Variants in SLIT3 observed in about 807,000 individuals in gnomAD.
SLIT3 encodes the protein slit homolog 3 protein.
In SLIT3, 68 loss-of-function variants were observed where a neutral mutation model predicts 184.0. The observed-to-expected ratio is 0.37, with a 90% CI of 0.30 to 0.45. The LOEUF is 0.45. Among genes scored for constraint, SLIT3 ranks in the 20% least tolerant of loss-of-function variants. The pLI, the probability that SLIT3 is intolerant of heterozygous loss-of-function variation, is 1.00. For missense variants in SLIT3, 1,707 were observed against 2,026.0 expected, an observed-to-expected ratio of 0.84 and a Z score of 3.02; for synonymous variants, 831 against 828.6, an observed-to-expected ratio of 1.00 and a Z score of -0.05.
intron 1 of SLIT3, among the ~76,000 whole-genome samples, chr5:169,268,162 G>A (rs1366802882): frequency 6.6e-6 from 1 of 152,140 alleles, no homozygotes. Context: ...TGCACATTTG[G>A]GAAGGATGAT....
At chr5:168,873,881 A>G (rs778497929) in intron 5 of SLIT3, among the ~76,000 whole-genome samples, 9 of 152,180 alleles carry the variant, frequency 5.9e-5, no homozygotes, top group Non-Finnish European at 1.0e-4. Flanking sequence ...AAGATAAAGA[A>G]TCAGAACATC....
At chr5:168,900,796 T>A (rs1184010560) in intron 4 of SLIT3, among the ~76,000 whole-genome samples, 2 of 152,142 alleles carry the variant, frequency 1.3e-5, no homozygotes, top group Non-Finnish European at 2.9e-5. Context: ...ACGAATGAAA[T>A]CATGTCTTTT....
intron 6 of SLIT3, among the ~76,000 whole-genome samples, chr5:168,838,855 G>T (rs1057463203): frequency 6.6e-6 from 1 of 152,098 alleles, no homozygotes; most frequent in African/African-American, 2.4e-5. Context: ...CTAAAAATCT[G>T]GTTAGTTCTG....
In SLIT3 at chr5:168,851,904, C is replaced by T. The variant is rs539420960; in HGVS notation, c.486-7249G>A. 4.6e-5 allele frequency among the ~76,000 whole-genome samples: 7 copies of T among 152,320 alleles called. No homozygotes were observed. In the East Asian group the frequency reaches 1.2e-3, roughly 25 times the overall value. On this transcript the variant is annotated intron_variant, in intron 5 of 35. Coordinates refer to ENST00000519560, the MANE Select transcript of SLIT3 (RefSeq NM_003062.4). ...TCTGTTGGCTCTAAAAGGCTCCTCACTGCAGCTTCTGTAAAATGGGCTGTC... is the reference window on the plus strand; with the variant it reads ...TCTGTTGGCTCTAAAAGGCTCCTCATTGCAGCTTCTGTAAAATGGGCTGTC...
At chr5:168,748,549 G>C in intron 19 of SLIT3, 115 bp from the exon 20 acceptor site, 3 of 1,065,398 alleles carry the variant, frequency 2.8e-6, no homozygotes, top group South Asian at 4.1e-5. Context: ...TCCCCGCTGT[G>C]TTCTAGAACC....
intron 3 of SLIT3, among the ~76,000 whole-genome samples, chr5:169,202,378 C>T (rs1215975655): frequency 6.6e-6 from 1 of 152,152 alleles, no homozygotes; most frequent in African/African-American, 2.4e-5. Context: ...TATCTCACTT[C>T]GTCCTTAAAG....
rs148488259 is a variant in SLIT3 at position 168,789,750 on chromosome 5, G to A, written c.1008-119C>T. ...TGGTAAGGATTAATCAATCAATCAA[G>A]CAATTCATTTACTCATAGTGCAAGA... On this transcript the variant is annotated intron_variant, in intron 10 of 35. Coordinates refer to ENST00000519560, the MANE Select transcript of SLIT3 (RefSeq NM_003062.4). 253 of 756,456 alleles carry A rather than the reference G, an allele frequency of 3.3e-4. No individual in the cohort carries two copies. The East Asian group carries it at 6.0e-3, about 18-fold the overall frequency. The allele number at this position is 756,456 out of a possible 1,614,324, so 46.9% of individuals were successfully genotyped here.
At chr5:169,236,851 TAAATA>T (rs1765219047) in intron 3 of SLIT3, among the ~76,000 whole-genome samples, 1 of 152,220 alleles carries the variant, frequency 6.6e-6, no homozygotes, top group African/African-American at 2.4e-5. Flanking sequence ...TCATTGATAT[TAAATA>T]AAAGTACCTA....
chr5:168,893,833 G>C (rs1430025436), intron 4 of SLIT3, among the ~76,000 whole-genome samples: 2 of 152,194 alleles, frequency 1.3e-5, no homozygotes, highest in African/African-American at 4.8e-5. Context: ...TTGCCTCCTA[G>C]GTCTGTGGCC....
intron 4 of SLIT3, among the ~76,000 whole-genome samples, chr5:168,970,250 C>T (rs1194422724): frequency 6.6e-6 from 1 of 152,016 alleles, no homozygotes; most frequent in Non-Finnish European, 1.5e-5. Context: ...AATCCTAGCA[C>T]TTTGGGAGGC....
intron 4 of SLIT3, among the ~76,000 whole-genome samples, chr5:169,080,554 A>G (rs1758991766): frequency 6.6e-6 from 1 of 152,156 alleles, no homozygotes; most frequent in Admixed American, 6.5e-5. Flanking sequence ...GCTGTGTTCT[A>G]GGGCCTCCGA....
At chr5:169,019,369 A>T (rs1051030833) in intron 4 of SLIT3, among the ~76,000 whole-genome samples, 1 of 152,244 alleles carries the variant, frequency 6.6e-6, no homozygotes, top group Non-Finnish European at 1.5e-5. Context: ...GCACCACAGC[A>T]CAAGTTGCTA....
chr5:169,279,438 G>A (rs62376943), intron 1 of SLIT3, among the ~76,000 whole-genome samples: 12,228 of 152,164 alleles, frequency 0.08, 591 homozygotes, highest in East Asian at 0.26. Context: ...GAGGTTCTGA[G>A]TTAGGAACTA....
At chr5:169,123,263 A>G (rs1429560417) in intron 4 of SLIT3, among the ~76,000 whole-genome samples, 1 of 152,216 alleles carries the variant, frequency 6.6e-6, no homozygotes, top group Non-Finnish European at 1.5e-5. Flanking sequence ...CATCAAATTT[A>G]TAACAAAGCT....
chr5:169,002,322 CAAAAAAAAAAAAAA>C (rs397999882), intron 4 of SLIT3, among the ~76,000 whole-genome samples: 303 of 24,214 alleles, frequency 0.013, 5 homozygotes, highest in East Asian at 0.067. Context: ...GACTCTGTCT[CAAAAAAAAAAAAAA>C]AAAAAAAAAA....
intron 14 of SLIT3, chr5:168,768,399 C>T (rs1166165919): frequency 4.9e-6 from 2 of 408,810 alleles, no homozygotes; most frequent in Admixed American, 5.4e-5. Context: ...CCGAAGATTG[C>T]AGCCCTGCTG....
At chr5:168,779,348 A>G (rs1003410128) in intron 12 of SLIT3, among the ~76,000 whole-genome samples, 1 of 152,180 alleles carries the variant, frequency 6.6e-6, no homozygotes, top group Non-Finnish European at 1.5e-5. Context: ...CACTCCATCA[A>G]CGCAGCGGGT....
intron 4 of SLIT3, among the ~76,000 whole-genome samples, chr5:169,087,442 C>T (rs897154116): frequency 2.0e-5 from 3 of 152,176 alleles, no homozygotes; most frequent in African/African-American, 7.2e-5. Flanking sequence ...GTGCTTTCTC[C>T]TGTTGCTTCA....
chr5:168,736,814 T>G (rs569464903), intron 20 of SLIT3, among the ~76,000 whole-genome samples: 1 of 152,354 alleles, frequency 6.6e-6, no homozygotes, highest in African/African-American at 2.4e-5. Context: ...GGACCTGGGT[T>G]TCTGCCACAG....
Sources: allele counts gnomAD v4.1 joint callset (sites outside exome capture counted in the v4.1 genomes callset), GRCh38; gene constraint gnomAD v4.1.1; transcripts MANE v1.5; gene names NCBI Gene and HGNC (gene_info 2026-07-23, HGNC 2026-07-21).